The following ADAMTSL1 variants were observed in gnomAD, a reference collection of about 807,000 sequenced individuals.
ADAMTSL1 encodes the protein ADAMTS-like protein 1.
ADAMTSL1 carries 126 observed loss-of-function variants against 201.8 expected under a neutral mutation model. The ratio of observed to expected loss-of-function variants is 0.62; its 90% CI spans 0.54 to 0.72. The LOEUF (loss-of-function observed/expected upper bound fraction) is 0.72, where lower values mean the gene tolerates loss of function less well. ADAMTSL1 is among the 30% of genes least tolerant of loss of function. ADAMTSL1 has a pLI of 0.00. For synonymous variants in ADAMTSL1, 1,121 were observed against 903.4 expected, an observed-to-expected ratio of 1.24 and a Z score of -4.32; for missense variants, 2,679 against 2,277.8, an observed-to-expected ratio of 1.18 and a Z score of -3.59.
chr9:18,714,673 G>A (rs1832808267), intron 14 of ADAMTSL1, among the ~76,000 whole-genome samples: 1 of 150,884 alleles, frequency 6.6e-6, no homozygotes, highest in South Asian at 2.1e-4. Context: ...AGAGGTACAA[G>A]GAGGAACTGG....
rs541725725 is a variant in ADAMTSL1, at chr9:18,719,424, T to C, written c.1877-2112T>C. ...GTACAATGGTGTGATCTCAGCTCACTGCAACCTTCATCTCCCTGCAACCTT... is the reference window on the plus strand; with the variant it reads ...GTACAATGGTGTGATCTCAGCTCACCGCAACCTTCATCTCCCTGCAACCTT... On this transcript the variant is annotated intron_variant, in intron 14 of 28. Transcript: ENST00000380548. 1.8e-4 allele frequency among the ~76,000 whole-genome samples: 28 copies of C among 152,270 alleles called. No individual in the cohort carries two copies. The East Asian group carries it at 4.0e-3, about 22-fold the overall frequency.
chr9:18,849,540 A>T (rs1294014443), intron 23 of ADAMTSL1, among the ~76,000 whole-genome samples: 1 of 152,190 alleles, frequency 6.6e-6, no homozygotes, highest in East Asian at 1.9e-4. Flanking sequence ...GTAAAAATTA[A>T]TCCACACTGC....
chr9:18,306,089 C>G (rs1484790063), intron 2 of ADAMTSL1, among the ~76,000 whole-genome samples: 1 of 152,116 alleles, frequency 6.6e-6, no homozygotes, highest in African/African-American at 2.4e-5. Flanking sequence ...TCCAGCAGAC[C>G]TGCAGCAGAG....
rs772034324 is a variant in ADAMTSL1, at chr9:18,366,627, A to ATTTTTTT, written c.208-138168_208-138162dup. Among the ~76,000 whole-genome samples, 36 of 112,828 alleles carry ATTTTTTT rather than the reference A, an allele frequency of 3.2e-4. 5 individuals carry two copies. Among genetic ancestry groups the ATTTTTTT allele is most frequent in the African/African-American group, 1.0e-3 (29 of 29,090 alleles). The allele number at this position is 112,828 out of a possible 152,430, so 74.0% of individuals were successfully genotyped here. A position where few individuals can be genotyped will look rare whatever the true frequency, so the allele number is the denominator to read the frequency against. ...ATGGATAGTGCCTCTGAAATCACTA[A>ATTTTTTT]TTTTTTTTTTTTTTTTTTTTTTTTT... On this transcript the variant is annotated intron_variant, in intron 2 of 29. Coordinates refer to the ADAMTSL1 transcript ENST00000680146.
At chr9:18,365,819 AT>A (rs1328939301) in intron 2 of ADAMTSL1, among the ~76,000 whole-genome samples, 2 of 152,180 alleles carry the variant, frequency 1.3e-5, no homozygotes. Context: ...GGGAGCCAGA[AT>A]TACTGCCTGA....
At chr9:18,318,845 T>A (rs568946689) in intron 2 of ADAMTSL1, among the ~76,000 whole-genome samples, 1 of 152,222 alleles carries the variant, frequency 6.6e-6, no homozygotes, top group African/African-American at 2.4e-5. Flanking sequence ...CCAAGCTGTA[T>A]GCCAAGTGCT....
chr9:18,132,698 G>A (rs115386110), intron 1 of ADAMTSL1, among the ~76,000 whole-genome samples: 1 of 151,890 alleles, frequency 6.6e-6, no homozygotes, highest in Non-Finnish European at 1.5e-5. Flanking sequence ...TCTTTCCATT[G>A]TACCCTTTTT....
chr9:18,244,090 TGTGTGTGTGTGTGTGTGTGTAC>T (rs1831169457), intron 2 of ADAMTSL1, among the ~76,000 whole-genome samples: 1 of 24,678 alleles, frequency 4.1e-5, no homozygotes, highest in Non-Finnish European at 1.1e-4. Context: ...AATGATTTTG[TGTGTGTGTGTGTGTGTGTGTAC>T]GTGTGTGTGT....
chr9:18,323,075 G>A (rs4436218), intron 2 of ADAMTSL1, among the ~76,000 whole-genome samples: 78,356 of 151,822 alleles, frequency 0.52, 20,592 homozygotes, highest in Admixed American at 0.62. Flanking sequence ...TGAGAAAAAA[G>A]CATGCTGCAA....
chr9:18,180,831 A>G (rs1175608918), intron 2 of ADAMTSL1, among the ~76,000 whole-genome samples: 1 of 152,178 alleles, frequency 6.6e-6, no homozygotes, highest in East Asian at 1.9e-4. Flanking sequence ...TCGCCAAGTC[A>G]ATCCTAAGGC....
intron 2 of ADAMTSL1, among the ~76,000 whole-genome samples, chr9:18,525,209 A>T (rs1818960061): frequency 6.6e-6 from 1 of 151,950 alleles, no homozygotes. Context: ...CTTCTTCTAG[A>T]TTTTCTACTT....
intron 2 of ADAMTSL1, among the ~76,000 whole-genome samples, chr9:18,431,737 C>A (rs1819501097): frequency 6.6e-6 from 1 of 152,106 alleles, no homozygotes; most frequent in Non-Finnish European, 1.5e-5. Context: ...CCCCATTCTC[C>A]TAACTTTTCT....
At position 18,776,768 on chromosome 9, in the gene ADAMTSL1, G is replaced by C; in HGVS notation, c.2552-13G>C. ...CCTCTTTCTCTGTCCCTTCGGGTTCGCTCTCCTTCCAGGGCCCGGGCGGCC... is the reference window on the plus strand; with the variant it reads ...CCTCTTTCTCTGTCCCTTCGGGTTCCCTCTCCTTCCAGGGCCCGGGCGGCC... On this transcript the variant is annotated splice_polypyrimidine_tract_variant and intron_variant, in intron 18 of 28. Coordinates refer to ENST00000380548, the MANE Select transcript of ADAMTSL1 (RefSeq NM_001040272.6). 1 of 1,535,224 alleles carries C rather than the reference G, an allele frequency of 6.5e-7. No individual in the cohort carries two copies. The highest frequency in any genetic ancestry group is 8.8e-7 in the Non-Finnish European group (1 of 1,142,632).
At chr9:18,266,568 C>G (rs1427159191) in intron 2 of ADAMTSL1, among the ~76,000 whole-genome samples, 1 of 152,130 alleles carries the variant, frequency 6.6e-6, no homozygotes, top group African/African-American at 2.4e-5. Context: ...AAAGCTAAAA[C>G]TTGAATCAAA....
rs143416672 is a variant in ADAMTSL1, at chr9:18,481,765, T to G, written c.63+7470T>G. On this transcript the variant is annotated intron_variant, in intron 1 of 28. Coordinates refer to ENST00000380548, the MANE Select transcript of ADAMTSL1 (RefSeq NM_001040272.6). ...AGTTATTTTTACTGTTTCTATAGTT[T>G]ATAGTCTCAATTTGTGCAACAGAAC... Among the ~76,000 whole-genome samples, 274 of 152,360 alleles carry G rather than the reference T, an allele frequency of 1.8e-3. 3 individuals are homozygous for G. The highest frequency in any genetic ancestry group is 6.4e-3 in the African/African-American group (266 of 41,582).
At chr9:18,860,372 G>A (rs1023096873) in intron 23 of ADAMTSL1, among the ~76,000 whole-genome samples, 1 of 152,156 alleles carries the variant, frequency 6.6e-6, no homozygotes, top group East Asian at 1.9e-4. Flanking sequence ...TTATAAATAA[G>A]ATTTTAGTGG....
At chr9:18,002,543 C>A (rs981108694) in intron 1 of ADAMTSL1, among the ~76,000 whole-genome samples, 2 of 151,972 alleles carry the variant, frequency 1.3e-5, no homozygotes, top group Non-Finnish European at 2.9e-5. Context: ...CATTAATGAA[C>A]TACTTTATAA....
intron 2 of ADAMTSL1, among the ~76,000 whole-genome samples, chr9:18,216,672 T>C (rs1464238653): frequency 6.6e-6 from 1 of 151,530 alleles, no homozygotes; most frequent in African/African-American, 2.4e-5. Context: ...TTTTTCCTTT[T>C]CTTTCAAGAT....
At chr9:18,651,536 G>C (rs1198606422) in intron 7 of ADAMTSL1, 1 of 152,194 alleles carries the variant, frequency 6.6e-6, no homozygotes, top group Non-Finnish European at 1.5e-5. Flanking sequence ...AGCAAACTCA[G>C]AGCTAAGAGC....
Sources: gnomAD v4.1 joint callset for allele counts (sites outside exome capture counted in the v4.1 genomes callset) on GRCh38, gnomAD v4.1.1 for gene constraint, MANE v1.5 for transcripts, NCBI Gene and HGNC (gene_info 2026-07-23, HGNC 2026-07-21) for gene names.